TMEM87B: variants seen among roughly 807,000 people sequenced by gnomAD.
The protein encoded by TMEM87B is transmembrane protein 87B.
Under a neutral mutation model 80.3 loss-of-function variants are expected in TMEM87B, and 83 were observed. The ratio of observed to expected loss-of-function variants is 1.03; its 90% CI spans 0.87 to 1.24. TMEM87B has a LOEUF of 1.24. Ranked by LOEUF, TMEM87B falls within the 50% of genes most tolerant of loss-of-function variation. TMEM87B has a pLI of 0.00. For synonymous variants in TMEM87B, 219 were observed against 230.5 expected, an observed-to-expected ratio of 0.95 and a Z score of 0.45; for missense variants, 625 against 674.4, an observed-to-expected ratio of 0.93 and a Z score of 0.81.
In TMEM87B at chr2:112,116,303, C is replaced by G; in HGVS notation, c.*160C>G. The G allele has an allele frequency of 3.4e-6, 2 of 584,562 alleles. No individual in the cohort carries two copies. Among genetic ancestry groups the G allele is most frequent in the Non-Finnish European group, 5.9e-6 (2 of 339,576 alleles). 36.2% of individuals were successfully genotyped at this position (584,562 alleles called of 1,614,324 possible). ...TCAGATGGTAGGAGGTTCTATAGTC[C>G]TTTTAAAGCTGACTCTTGAGTGTCA... On this transcript the variant is annotated 3_prime_UTR_variant, in exon 19 of 19. Coordinates refer to ENST00000283206, the MANE Select transcript of TMEM87B (RefSeq NM_032824.3).
intron 9 of TMEM87B, among the ~76,000 whole-genome samples, chr2:112,087,427 AC>A (rs1679180947): frequency 6.7e-6 from 1 of 150,246 alleles, no homozygotes; most frequent in Middle Eastern, 3.2e-3. Context: ...CTCTACCCTG[AC>A]CTTCGGTTTT....
At chr2:112,085,853 A>G (rs1400934724) in intron 8 of TMEM87B, 152 bp from the exon 9 acceptor site, 2 of 621,336 alleles carry the variant, frequency 3.2e-6, no homozygotes, top group South Asian at 2.1e-5. Context: ...GAAGTTTTCA[A>G]GCATCAGTTG....
intron 4 of TMEM87B, among the ~76,000 whole-genome samples, chr2:112,071,101 G>A (rs1254156710): frequency 6.6e-6 from 1 of 151,978 alleles, no homozygotes; most frequent in Non-Finnish European, 1.5e-5. Flanking sequence ...TGGGATTACA[G>A]GCATGAGCCA....
Position 112,074,910 on chromosome 2 carries a change from A to G in TMEM87B, c.451-2A>G. 1 of 1,568,632 alleles carries G rather than the reference A, an allele frequency of 6.4e-7. No individual in the cohort carries two copies. The highest frequency in any genetic ancestry group is 8.7e-7 in the Non-Finnish European group (1 of 1,154,640). ...AATGGCATTATTTACTCTTTTTTCCAGAATAAAGAACTAATAAATATCAGA... is the reference window on the plus strand; with the variant it reads ...AATGGCATTATTTACTCTTTTTTCCGGAATAAAGAACTAATAAATATCAGA... On this transcript the variant is annotated splice_acceptor_variant, in intron 4 of 18. Transcript: ENST00000283206. LOFTEE classifies it high-confidence loss of function.
intron 16 of TMEM87B, 67 bp downstream of exon 16, chr2:112,106,142 C>T (rs1573726781): frequency 1.4e-5 from 14 of 989,592 alleles, no homozygotes; most frequent in South Asian, 1.0e-4. Context: ...GAGAGCTATA[C>T]GAGTGTCATA....
At position 112,117,039 on chromosome 2, in the gene TMEM87B, A is replaced by T. The variant is rs1489260868; in HGVS notation, c.*896A>T. ...ATTACATTTCATAATAAAAACATAC[A>T]TTTAGTTGCATGCTACATCACTATT... On this transcript the variant is annotated 3_prime_UTR_variant, in exon 19 of 19. Coordinates refer to ENST00000283206, the MANE Select transcript of TMEM87B (RefSeq NM_032824.3). 2 of 152,348 alleles carry T rather than the reference A, an allele frequency of 1.3e-5. No homozygotes were observed. Among genetic ancestry groups the T allele is most frequent in the Non-Finnish European group, 2.9e-5 (2 of 68,038 alleles). The allele number at this position is 152,348 out of a possible 1,614,324, so 9.4% of individuals were successfully genotyped here. A position where few individuals can be genotyped will look rare whatever the true frequency, so the allele number is the denominator to read the frequency against.
chr2:112,088,506 C>T (rs1325612726), intron 9 of TMEM87B, among the ~76,000 whole-genome samples: 1 of 152,066 alleles, frequency 6.6e-6, no homozygotes, highest in Non-Finnish European at 1.5e-5. Flanking sequence ...TAAATATGAG[C>T]TATGACCACT....
chr2:112,067,699 T>TCTCTC (rs1268125643), intron 4 of TMEM87B, among the ~76,000 whole-genome samples: 8 of 152,238 alleles, frequency 5.3e-5, no homozygotes, highest in African/African-American at 1.9e-4. Context: ...CTCCAATTTA[T>TCTCTC]CTCTCACTCT....
At chr2:112,088,752 T>A (rs1341406805) in intron 9 of TMEM87B, among the ~76,000 whole-genome samples, 3 of 151,974 alleles carry the variant, frequency 2.0e-5, no homozygotes, top group East Asian at 3.9e-4. Flanking sequence ...CCAAAAAAAA[T>A]TTTTTTTGTT....
chr2:112,099,638 G>A (rs930567991), intron 14 of TMEM87B, among the ~76,000 whole-genome samples: 1 of 149,698 alleles, frequency 6.7e-6, no homozygotes. Flanking sequence ...CACTTTGGGA[G>A]GCCAAGGTGG....
At chr2:112,074,861 C>A in intron 4 of TMEM87B, 51 bp from the exon 5 acceptor site, 1 of 1,463,296 alleles carries the variant, frequency 6.8e-7, no homozygotes, top group South Asian at 1.4e-5. Context: ...AACAATTTTT[C>A]TCCGTAGAAA....
chr2:112,100,687 A>G lies in TMEM87B; in HGVS notation c.1442A>G (p.Glu481Gly). The change falls in exon 15 of 19, where the codon GAA becomes GGA. Residue 481 changes from glutamate (E) to glycine (G), a missense_variant. Glu to Gly is a moderately conservative substitution (Grantham distance 98). Coordinates refer to ENST00000283206, the MANE Select transcript of TMEM87B (RefSeq NM_032824.3). Reference sequence around the variant, plus strand: ...ATTGAGGAATTCATGGTAACTTCTGAAAATTTAAGTGAGTAATATGTTTTC... The same window carrying G: ...ATTGAGGAATTCATGGTAACTTCTGGAAATTTAAGTGAGTAATATGTTTTC... ...DEIEEFMVTS[E>G]NLTEGIKLRA... 1 of 1,599,178 alleles carries G rather than the reference A, an allele frequency of 6.3e-7. No homozygotes were observed. Among genetic ancestry groups the G allele is most frequent in the Non-Finnish European group, 8.6e-7 (1 of 1,167,604 alleles).
In TMEM87B at chr2:112,086,175, T is replaced by G. The variant is rs546311783; in HGVS notation, c.938+71T>G. ...TTCAGTCCGTCTACATTATGACCTT[T>G]GTGAAAATGGAACTTCTAAGTATTG... On this transcript the variant is annotated intron_variant, in intron 9 of 18. Transcript: ENST00000283206. 4.9e-6 allele frequency: 6 copies of G among 1,220,552 alleles called. 1 individual carries two copies. The South Asian group carries it at 8.2e-5, about 17-fold the overall frequency. 75.6% of individuals were successfully genotyped at this position (1,220,552 alleles called of 1,614,324 possible).
chr2:112,112,949 A>G lies in TMEM87B; in HGVS notation c.1608+20A>G, dbSNP rs760264516. ...GATGAGGTAAAATATATTTTTGCAT[A>G]TTTCCTTGGAGCTGATATTTTCACA... is the stretch of plus-strand genomic sequence containing the variant. On this transcript the variant is annotated intron_variant, in intron 18 of 18. Transcript: ENST00000283206. 2.5e-6 allele frequency: 4 copies of G among 1,608,426 alleles called. No homozygotes were observed. In the South Asian group the frequency reaches 3.3e-5, roughly 13 times the overall value.
chr2:112,091,798 G>A lies in TMEM87B; in HGVS notation c.1104+15G>A, dbSNP rs374561907. 7.6e-6 allele frequency: 12 copies of A among 1,572,062 alleles called. No individual in the cohort carries two copies. The African/African-American group carries it at 1.6e-4, about 21-fold the overall frequency. Reference sequence around the variant, plus strand: ...TTGTGTGGTTCATATCCTTTACTGTGTCCTTCAAAATAGTTTGTTGTATCA... The same window carrying A: ...TTGTGTGGTTCATATCCTTTACTGTATCCTTCAAAATAGTTTGTTGTATCA... On this transcript the variant is annotated intron_variant, in intron 11 of 18. Transcript: ENST00000283206.
At chr2:112,088,630 T>C (rs1168996791) in intron 9 of TMEM87B, among the ~76,000 whole-genome samples, 1 of 152,212 alleles carries the variant, frequency 6.6e-6, no homozygotes, top group Non-Finnish European at 1.5e-5. Flanking sequence ...GCCTTAAATG[T>C]ATGTGCAATA....
At position 112,098,466 on chromosome 2, in the gene TMEM87B, C is replaced by G. The variant is rs548597178; in HGVS notation, c.1273-129C>G. The G allele has an allele frequency of 3.8e-5, 30 of 781,372 alleles. No individual in the cohort carries two copies. In the South Asian group the frequency reaches 5.6e-4, roughly 14 times the overall value. The allele number at this position is 781,372 out of a possible 1,614,324, so 48.4% of individuals were successfully genotyped here. On this transcript the variant is annotated intron_variant, in intron 13 of 18. Transcript: ENST00000283206. ...TATAGGTTTCTTGAAAAAATATGTG[C>G]TTGTTTATTTGGAAGACTTACTGGT... is the stretch of plus-strand genomic sequence containing the variant.
In TMEM87B at chr2:112,089,686, G is replaced by A; in HGVS notation, c.1000G>A (p.Ala334Thr). 1 of 1,614,128 alleles carries A rather than the reference G, an allele frequency of 6.2e-7. No individual in the cohort carries two copies. Among genetic ancestry groups the A allele is most frequent in the Non-Finnish European group, 8.5e-7 (1 of 1,180,012 alleles). ...IGLGLLYLIF[A>T]AVEGVMRVIG... is the part of the protein sequence containing the mutation. The stretch of plus-strand genomic sequence containing the variant: ...ACTGGGGCTTCTATACTTAATCTTT[G>A]CAGCTGTTGAAGGCGTGATGAGAGT... Residue 334 changes from alanine (A) to threonine (T), a missense_variant, in exon 10 of 19, where the codon GCA becomes ACA. By Grantham distance (58) the Ala-to-Thr change is moderately conservative. Transcript: ENST00000283206.
chr2:112,104,094 T>C (rs1030742458), intron 15 of TMEM87B, among the ~76,000 whole-genome samples: 6 of 152,186 alleles, frequency 3.9e-5, no homozygotes, highest in Non-Finnish European at 5.9e-5. Flanking sequence ...CAATTCAAGA[T>C]GGATCACAGA....
Sources: allele counts gnomAD v4.1 joint callset (sites outside exome capture counted in the v4.1 genomes callset), GRCh38; gene constraint gnomAD v4.1.1; transcripts MANE v1.5; gene names NCBI Gene and HGNC (gene_info 2026-07-23, HGNC 2026-07-21).